NTM: variants seen among roughly 807,000 people sequenced by gnomAD.
The protein encoded by NTM is IgLON family member 2.
A neutral mutation model predicts 42.1 loss-of-function variants in NTM; 13 were observed. The observed-to-expected ratio is 0.31, with a 90% CI of 0.20 to 0.49. NTM has a LOEUF of 0.49. Among genes scored for constraint, NTM ranks in the 20% least tolerant of loss-of-function variants. NTM has a pLI of 0.99. For missense variants in NTM, 373 were observed against 452.8 expected, an observed-to-expected ratio of 0.82 and a Z score of 1.60; for synonymous variants, 187 against 179.2, an observed-to-expected ratio of 1.04 and a Z score of -0.35.
chr11:131,932,476 G>A (rs941789068), intron 2 of NTM, among the ~76,000 whole-genome samples: 4 of 152,186 alleles, frequency 2.6e-5, no homozygotes, highest in African/African-American at 9.7e-5. Flanking sequence ...GATTGTACAT[G>A]CTGTATTGGA....
chr11:131,869,795 G>A (rs1322968340), intron 1 of NTM, among the ~76,000 whole-genome samples: 1 of 152,146 alleles, frequency 6.6e-6, no homozygotes, highest in Non-Finnish European at 1.5e-5. Context: ...TGAAATGGAA[G>A]CAAATCTTAA....
chr11:131,634,968 C>A (rs1337092266), intron 1 of NTM, among the ~76,000 whole-genome samples: 1 of 152,126 alleles, frequency 6.6e-6, no homozygotes, highest in African/African-American at 2.4e-5. Flanking sequence ...TATGCATATT[C>A]TTGCTTAGAT....
intron 2 of NTM, among the ~76,000 whole-genome samples, chr11:132,050,344 G>A (rs554367887): frequency 5.3e-5 from 8 of 152,282 alleles, no homozygotes; most frequent in Admixed American, 4.6e-4. Flanking sequence ...ACCTTCCATG[G>A]CTGGTCCTCA....
intron 3 of NTM, among the ~76,000 whole-genome samples, chr11:132,202,948 A>C (rs2081374111): frequency 6.6e-6 from 1 of 152,206 alleles, no homozygotes; most frequent in Non-Finnish European, 1.5e-5. Flanking sequence ...AACAAATGAC[A>C]AAAGGGTTCT....
chr11:132,316,333 C>T (rs2136194081), intron 7 of NTM, among the ~76,000 whole-genome samples: 1 of 152,312 alleles, frequency 6.6e-6, no homozygotes, highest in African/African-American at 2.4e-5. Context: ...TAAATATGCT[C>T]TTTTCAGCAG....
rs545906841 is a variant in NTM, at chr11:132,110,347, T to C, written c.168-35935T>C. ...TGGCACCAAAACACTTAGGAAATAA[T>C]ATGGTCTTCAAAGTTTCTGCATGTC... On this transcript the variant is annotated intron_variant, in intron 2 of 8. Transcript: ENST00000683400. Among the ~76,000 whole-genome samples the C allele has an allele frequency of 5.1e-4, 77 of 152,360 alleles. 1 individual carries two copies. The South Asian group carries it at 6.6e-3, about 13-fold the overall frequency.
intron 1 of NTM, among the ~76,000 whole-genome samples, chr11:131,377,992 T>A (rs1208137624): frequency 6.6e-6 from 1 of 152,252 alleles, no homozygotes; most frequent in African/African-American, 2.4e-5. Flanking sequence ...CCTCAGTGGG[T>A]AGGTGCAATC....
chr11:131,465,683 A>G (rs1427628274), intron 1 of NTM, among the ~76,000 whole-genome samples: 1 of 152,240 alleles, frequency 6.6e-6, no homozygotes, highest in Non-Finnish European at 1.5e-5. Flanking sequence ...TTCCACAGCG[A>G]ACAGTCTTTT....
At chr11:131,799,272 A>T (rs550763251) in intron 1 of NTM, among the ~76,000 whole-genome samples, 42 of 152,212 alleles carry the variant, frequency 2.8e-4, no homozygotes, top group African/African-American at 9.6e-4. Context: ...AAACTATCGC[A>T]TACTAATGCA....
chr11:131,718,039 C>G (rs2077907094), intron 1 of NTM, among the ~76,000 whole-genome samples: 1 of 152,064 alleles, frequency 6.6e-6, no homozygotes, highest in East Asian at 1.9e-4. Flanking sequence ...TTAAACTAGC[C>G]TTGTATTCCT....
At chr11:131,441,224 C>T (rs908929024) in intron 1 of NTM, among the ~76,000 whole-genome samples, 1 of 152,174 alleles carries the variant, frequency 6.6e-6, no homozygotes, top group African/African-American at 2.4e-5. Context: ...TGATGCGTCT[C>T]CAACCAAAGC....
intron 4 of NTM, among the ~76,000 whole-genome samples, chr11:132,213,526 A>G (rs2083262145): frequency 6.6e-6 from 1 of 152,026 alleles, no homozygotes; most frequent in Non-Finnish European, 1.5e-5. Context: ...TGTGAGGCAT[A>G]AGTCCTCTGC....
Position 132,322,085 on chromosome 11 carries a change from T to G in NTM, c.934+7382T>G, listed in dbSNP as rs564409979. On this transcript the variant is annotated intron_variant, in intron 7 of 8. Coordinates refer to ENST00000683400, the MANE Select transcript of NTM (RefSeq NM_001352005.2). ...TCCACTGCAAAAACAGGCCAAAATG[T>G]AAAGACCATCGAGACTAGGAAGAAA... Among the ~76,000 whole-genome samples, 8 of 152,032 alleles carry G rather than the reference T, an allele frequency of 5.3e-5. No individual in the cohort carries two copies. The East Asian group carries it at 1.5e-3, about 29-fold the overall frequency.
intron 2 of NTM, among the ~76,000 whole-genome samples, chr11:131,992,050 A>T (rs61903469): frequency 0.16 from 24,658 of 152,150 alleles, 2,545 homozygotes; most frequent in South Asian, 0.26. Flanking sequence ...ATTCTTGAAC[A>T]GTATGGGTTT....
intron 2 of NTM, among the ~76,000 whole-genome samples, chr11:131,952,186 A>G (rs1841982978): frequency 6.6e-6 from 1 of 152,112 alleles, no homozygotes; most frequent in Non-Finnish European, 1.5e-5. Flanking sequence ...TCTCAATCTC[A>G]TTCTCTGACT....
chr11:131,797,337 G>T (rs530016615), intron 1 of NTM, among the ~76,000 whole-genome samples: 58 of 152,314 alleles, frequency 3.8e-4, no homozygotes, highest in Admixed American at 9.1e-4. Flanking sequence ...ACTCTGTAAG[G>T]GGGGGCAGGA....
chr11:132,136,633 T>A (rs1310199633), intron 2 of NTM, among the ~76,000 whole-genome samples: 2 of 152,128 alleles, frequency 1.3e-5, no homozygotes, highest in Non-Finnish European at 2.9e-5. Flanking sequence ...TTCGCACACA[T>A]GGGTGCCAGG....
At chr11:132,261,066 G>A (rs1012100776) in intron 4 of NTM, among the ~76,000 whole-genome samples, 2 of 152,222 alleles carry the variant, frequency 1.3e-5, no homozygotes, top group Non-Finnish European at 2.9e-5. Context: ...GCACATGTCT[G>A]TTAGCCTGAT....
intron 3 of NTM, among the ~76,000 whole-genome samples, chr11:132,205,134 CA>C (rs2081782867): frequency 6.6e-6 from 1 of 152,152 alleles, no homozygotes; most frequent in South Asian, 2.1e-4. Flanking sequence ...GAGATGCGGG[CA>C]TCTCCAGTCT....
Sources: allele counts gnomAD v4.1 joint callset (sites outside exome capture counted in the v4.1 genomes callset), GRCh38; gene constraint gnomAD v4.1.1; transcripts MANE v1.5; gene names NCBI Gene and HGNC (gene_info 2026-07-23, HGNC 2026-07-21).